Variants in COPZ1 observed in about 807,000 individuals in gnomAD.
The protein encoded by COPZ1 is coat protein complex I subunit zeta 1, also known as coatomer subunit zeta-1.
A neutral mutation model predicts 31.7 loss-of-function variants in COPZ1; 4 were observed. The observed-to-expected ratio is 0.13, with a 90% CI of 0.06 to 0.29. COPZ1 has a LOEUF of 0.29. Ranked by LOEUF, COPZ1 falls within the 10% of genes least tolerant of loss-of-function variation. COPZ1 has a pLI of 1.00. For synonymous variants in COPZ1, 74 were observed against 79.0 expected (o/e 0.94, Z 0.33); for missense variants, 156 against 211.5 (o/e 0.74, Z 1.63).
intron 5 of COPZ1, 23 bp from the exon 6 acceptor site, chr12:54,347,744 C>T: frequency 2.5e-6 from 4 of 1,599,292 alleles, no homozygotes; most frequent in Non-Finnish European, 3.4e-6. Context: ...TGGTTATTCT[C>T]TTCTCTTCTC....
chr12:54,335,790 G>A (rs1953852146), intron 1 of COPZ1, among the ~76,000 whole-genome samples: 1 of 151,960 alleles, frequency 6.6e-6, no homozygotes, highest in African/African-American at 2.4e-5. Flanking sequence ...TCCTGCCTCA[G>A]CTTCCTGAGT....
intron 1 of COPZ1, among the ~76,000 whole-genome samples, chr12:54,333,032 T>A (rs1369506041): frequency 6.6e-6 from 1 of 151,874 alleles, no homozygotes; most frequent in Non-Finnish European, 1.5e-5. Context: ...CATAAAAAAA[T>A]TATTTTTATT....
chr12:54,337,487 T>C (rs1247009165), intron 1 of COPZ1, among the ~76,000 whole-genome samples: 1 of 152,264 alleles, frequency 6.6e-6, no homozygotes, highest in Admixed American at 6.5e-5. Context: ...ATTTATAAAC[T>C]TGCCCTTTGC....
intron 1 of COPZ1, among the ~76,000 whole-genome samples, chr12:54,334,484 T>C (rs1263079976): frequency 1.3e-5 from 2 of 152,148 alleles, no homozygotes; most frequent in Non-Finnish European, 2.9e-5. Context: ...ATTCTTCTTT[T>C]CTTTTCATCT....
intron 3 of COPZ1, 33 bp downstream of exon 3, chr12:54,342,320 TGGG>T: frequency 6.7e-7 from 1 of 1,500,896 alleles, no homozygotes; most frequent in Non-Finnish European, 9.3e-7. Flanking sequence ...CTACCCGTGC[TGGG>T]GGGAACCATG....
chr12:54,339,750 C>G (rs561998344), intron 1 of COPZ1, among the ~76,000 whole-genome samples: 35 of 152,194 alleles, frequency 2.3e-4, no homozygotes, highest in South Asian at 1.9e-3. Context: ...TTATTTGATT[C>G]TTGGTAGTGG....
intron 1 of COPZ1, among the ~76,000 whole-genome samples, chr12:54,339,825 C>G (rs914456359): frequency 6.6e-6 from 1 of 152,164 alleles, no homozygotes; most frequent in African/African-American, 2.4e-5. Flanking sequence ...AGATCATCTT[C>G]TCACTGCTTC....
At chr12:54,338,583 G>C (rs1953913621) in intron 1 of COPZ1, among the ~76,000 whole-genome samples, 1 of 152,198 alleles carries the variant, frequency 6.6e-6, no homozygotes, top group Admixed American at 6.5e-5. Flanking sequence ...GGCCACATCA[G>C]AAAATCCACT....
intron 1 of COPZ1, among the ~76,000 whole-genome samples, chr12:54,339,303 A>G (rs568330766): frequency 1.6e-4 from 24 of 151,910 alleles, no homozygotes; most frequent in African/African-American, 3.1e-4. Flanking sequence ...TGAGGCTGCA[A>G]ATACCTTTCA....
At chr12:54,332,838 A>T (rs533367711) in intron 1 of COPZ1, among the ~76,000 whole-genome samples, 1 of 151,724 alleles carries the variant, frequency 6.6e-6, no homozygotes, top group Non-Finnish European at 1.5e-5. Flanking sequence ...TTATTAATTT[A>T]TGAAGGCCAC....
intron 1 of COPZ1, among the ~76,000 whole-genome samples, chr12:54,330,230 A>T (rs1256016362): frequency 6.6e-6 from 1 of 152,212 alleles, no homozygotes; most frequent in Non-Finnish European, 1.5e-5. Context: ...CGGGGTGTCC[A>T]TCTGGGTTAT....
At chr12:54,332,590 C>T (rs979442359) in intron 1 of COPZ1, among the ~76,000 whole-genome samples, 4 of 151,944 alleles carry the variant, frequency 2.6e-5, no homozygotes, top group African/African-American at 9.7e-5. Context: ...CAAAATTAGC[C>T]AGGTGTGGTG....
intron 1 of COPZ1, among the ~76,000 whole-genome samples, chr12:54,332,999 C>T (rs1038947017): frequency 2.6e-5 from 4 of 152,016 alleles, no homozygotes; most frequent in Non-Finnish European, 5.9e-5. Flanking sequence ...ATTCTAAACT[C>T]GGCTCTGTGA....
Position 54,351,065 on chromosome 12 carries a change from G to T in COPZ1, c.*542G>T. On this transcript the variant is annotated 3_prime_UTR_variant, in exon 9 of 9. Transcript: ENST00000262061. ...TTCTTCCATTCCTTCTTACTGCCCTGTCCTCTGCCTTGGAAGAGGCTTTGG... is the reference window on the plus strand; with the variant it reads ...TTCTTCCATTCCTTCTTACTGCCCTTTCCTCTGCCTTGGAAGAGGCTTTGG... 6.1e-6 allele frequency: 1 copy of T among 164,038 alleles called. No individual in the cohort carries two copies. Among genetic ancestry groups the T allele is most frequent in the Non-Finnish European group, 1.4e-5 (1 of 73,700 alleles). 10.2% of individuals were successfully genotyped at this position (164,038 alleles called of 1,614,324 possible). A position where few individuals can be genotyped will look rare whatever the true frequency, so the allele number is the denominator to read the frequency against.
chr12:54,338,155 T>C (rs1185474722), intron 1 of COPZ1, among the ~76,000 whole-genome samples: 1 of 152,210 alleles, frequency 6.6e-6, no homozygotes, highest in African/African-American at 2.4e-5. Flanking sequence ...GGCAGCTCTC[T>C]AAAGTTGCTG....
intron 2 of COPZ1, among the ~76,000 whole-genome samples, chr12:54,341,689 C>T (rs73314657): frequency 9.5e-4 from 145 of 152,300 alleles, no homozygotes; most frequent in African/African-American, 3.3e-3. Context: ...ATGCTGGATG[C>T]TTCTTTCAGC....
intron 7 of COPZ1, among the ~76,000 whole-genome samples, chr12:54,348,832 T>C (rs1954104158): frequency 1.3e-5 from 2 of 152,132 alleles, no homozygotes; most frequent in Non-Finnish European, 2.9e-5. Context: ...AGAACCTCAG[T>C]CCTCTTTGGT....
At chr12:54,338,923 C>A (rs1953920625) in intron 1 of COPZ1, among the ~76,000 whole-genome samples, 1 of 152,212 alleles carries the variant, frequency 6.6e-6, no homozygotes, top group African/African-American at 2.4e-5. Flanking sequence ...CCTGAAGCCT[C>A]ATGAGGCAAT....
intron 5 of COPZ1, among the ~76,000 whole-genome samples, chr12:54,347,513 C>T (rs572765397): frequency 2.6e-5 from 4 of 152,254 alleles, no homozygotes; most frequent in African/African-American, 9.6e-5. Context: ...GAAATAATAG[C>T]GTGGATAATC....
Sources: gnomAD v4.1 joint callset for allele counts (sites outside exome capture counted in the v4.1 genomes callset) on GRCh38, gnomAD v4.1.1 for gene constraint, MANE v1.5 for transcripts, NCBI Gene and HGNC (gene_info 2026-07-23, HGNC 2026-07-21) for gene names.